ADGRV1: variants seen among roughly 807,000 people sequenced by gnomAD.
ADGRV1 encodes adhesion G protein-coupled receptor V1.
ADGRV1 carries 359 observed loss-of-function variants against 596.2 expected under a neutral mutation model. That is an observed-to-expected ratio of 0.60 (90% CI 0.55 to 0.66). The LOEUF (loss-of-function observed/expected upper bound fraction) is 0.66, where lower values mean the gene tolerates loss of function less well. Ranked by LOEUF, ADGRV1 falls within the 30% of genes least tolerant of loss-of-function variation. The pLI is 0.00. For missense variants in ADGRV1, 7,274 were observed against 7,575.6 expected (o/e 0.96, Z 1.48); for synonymous variants, 2,681 against 2,679.2 (o/e 1.00, Z -0.02).
rs10041060 is a variant in ADGRV1, at chr5:90,728,985, C to G, written c.10426+52C>G. ...ATATATAATTATTGAAATCATCTAG[C>G]ATTCATATGGTATATTTTATATGAA... On this transcript the variant is annotated intron_variant, in intron 49 of 89. Transcript: ENST00000405460. The G allele has an allele frequency of 3.9e-3, 4,821 of 1,223,860 alleles. 160 individuals carry two copies. In the African/African-American group the frequency reaches 0.066, roughly 17 times the overall value. The allele number at this position is 1,223,860 out of a possible 1,614,324, so 75.8% of individuals were successfully genotyped here. A position where few individuals can be genotyped will look rare whatever the true frequency, so the allele number is the denominator to read the frequency against.
Position 90,635,296 on chromosome 5 carries a change from T to C in ADGRV1, c.2016+6T>C. The C allele has an allele frequency of 6.2e-7, 1 of 1,604,350 alleles. No individual in the cohort carries two copies. Among genetic ancestry groups the C allele is most frequent in the Non-Finnish European group, 8.5e-7 (1 of 1,175,534 alleles). On this transcript the variant is annotated splice_donor_region_variant and intron_variant, in intron 10 of 89. Coordinates refer to ENST00000405460, the MANE Select transcript of ADGRV1 (RefSeq NM_032119.4). Reference sequence around the variant, plus strand: ...AAGATTTTGCTGCTGAAGTGGTAAGTAGGCTCTTTCTTACTGATGGGGGCT... The same window carrying C: ...AAGATTTTGCTGCTGAAGTGGTAAGCAGGCTCTTTCTTACTGATGGGGGCT...
rs1247691099 is a variant in ADGRV1 at position 90,759,437 on chromosome 5, T to C, written c.11969T>C (p.Ile3990Thr). 9 of 1,573,234 alleles carry C rather than the reference T, an allele frequency of 5.7e-6. No homozygotes were observed. Among genetic ancestry groups the C allele is most frequent in the South Asian group, 2.3e-5 (2 of 86,046 alleles). Residue 3990 changes from isoleucine to threonine, a missense_variant, in exon 58 of 90, where the codon ATT becomes ACT. Transcript: ENST00000405460. ...QVTAMIEITIIDDAEFELTET... is the reference protein window; with the variant it reads ...QVTAMIEITITDDAEFELTET... ...ACTGCAATGATAGAAATCACCATAA[T>C]TGATGATGCTGAATTTGAATTGACA...
At chr5:90,585,891 T>C (rs1758695308) in intron 1 of ADGRV1, among the ~76,000 whole-genome samples, 1 of 152,228 alleles carries the variant, frequency 6.6e-6, no homozygotes, top group African/African-American at 2.4e-5. Context: ...TCTGATCTTA[T>C]TCAACCCTCA....
In ADGRV1 at chr5:90,627,624, A is replaced by G. The variant is rs186639101; in HGVS notation, c.1086A>G (p.Leu362=). ...TTGCTGAATCGTTTCACATTATGTT[A>G]CTAAAAGATACCTTACAGGGAGATG... ...PEIAESFHIM[L]LKDTLQGDAV... is the part of the protein sequence containing the mutation. Residue 362 remains leucine (L), a synonymous_variant, in exon 7 of 90, where the codon TTA becomes TTG. Coordinates refer to ENST00000405460, the MANE Select transcript of ADGRV1 (RefSeq NM_032119.4). 3,467 of 1,613,936 alleles carry G rather than the reference A, an allele frequency of 2.1e-3. 15 individuals carry two copies. The highest frequency in any genetic ancestry group is 7.7e-3 in the South Asian group (701 of 91,074).
chr5:90,838,908 C>T (rs1765195545), intron 77 of ADGRV1, among the ~76,000 whole-genome samples: 1 of 152,140 alleles, frequency 6.6e-6, no homozygotes, highest in South Asian at 2.1e-4. Context: ...ATTGACTCTA[C>T]ATTTAAATAT....
intron 52 of ADGRV1, among the ~76,000 whole-genome samples, chr5:90,746,046 A>G (rs1754590457): frequency 6.6e-6 from 1 of 152,046 alleles, no homozygotes; most frequent in Non-Finnish European, 1.5e-5. Context: ...CTTTTATAGG[A>G]TTGACTTTGA....
chr5:90,577,914 T>C (rs189080753), intron 1 of ADGRV1, among the ~76,000 whole-genome samples: 1 of 150,442 alleles, frequency 6.6e-6, no homozygotes, highest in East Asian at 1.9e-4. Context: ...TTTGGCTCTC[T>C]GTCTATTATT....
At chr5:90,878,568 C>T (rs1769439250) in intron 83 of ADGRV1, among the ~76,000 whole-genome samples, 1 of 152,206 alleles carries the variant, frequency 6.6e-6, no homozygotes, top group South Asian at 2.1e-4. Context: ...TTCCGAAGAA[C>T]ACCTTCTTAT....
intron 1 of ADGRV1, 109 bp downstream of exon 1, chr5:90,559,026 G>T (rs1478774333): frequency 4.9e-6 from 5 of 1,015,424 alleles, no homozygotes; most frequent in Middle Eastern, 3.3e-4. Flanking sequence ...CGCGGAGGGC[G>T]GGCCACAGCC....
intron 86 of ADGRV1, among the ~76,000 whole-genome samples, chr5:91,082,352 A>C (rs1414264944): frequency 6.6e-6 from 1 of 152,074 alleles, no homozygotes; most frequent in East Asian, 1.9e-4. Context: ...TCTGAGACAG[A>C]GTCTTACTGT....
At chr5:90,608,566 T>TA (rs1762375363) in intron 1 of ADGRV1, among the ~76,000 whole-genome samples, 2 of 152,264 alleles carry the variant, frequency 1.3e-5, no homozygotes, top group Admixed American at 1.3e-4. Context: ...TACAATTCTA[T>TA]ACTCAATTAA....
chr5:91,020,829 C>T (rs564791566), intron 85 of ADGRV1, among the ~76,000 whole-genome samples: 1 of 152,124 alleles, frequency 6.6e-6, no homozygotes, highest in South Asian at 2.1e-4. Flanking sequence ...ACTGCTTCGA[C>T]ATCTAAATCT....
Position 90,643,779 on chromosome 5 carries a change from C to CAT in ADGRV1, c.2554-22_2554-21dup, listed in dbSNP as rs764059852. The CAT allele has an allele frequency of 2.0e-6, 3 of 1,503,946 alleles. No homozygotes were observed. In the East Asian group the frequency reaches 7.2e-5, roughly 36 times the overall value. 93.2% of individuals were successfully genotyped at this position (1,503,946 alleles called of 1,614,324 possible). Reference sequence around the variant, plus strand: ...TGTGAAAAGTCAACTTTATAATTTCCATACTTTGACACATTCACTTTAGTT... The same window carrying CAT: ...TGTGAAAAGTCAACTTTATAATTTCCATATACTTTGACACATTCACTTTAGTT... On this transcript the variant is annotated intron_variant, in intron 13 of 89. Transcript: ENST00000405460.
intron 70 of ADGRV1, among the ~76,000 whole-genome samples, chr5:90,801,177 A>G (rs1401383459): frequency 6.6e-6 from 1 of 152,168 alleles, no homozygotes; most frequent in Non-Finnish European, 1.5e-5. Context: ...ATCAACTCCT[A>G]AAAACTTTCA....
chr5:90,579,206 G>A (rs373020373), intron 1 of ADGRV1, among the ~76,000 whole-genome samples: 86 of 152,036 alleles, frequency 5.7e-4, no homozygotes, highest in South Asian at 1.9e-3. Flanking sequence ...TTACGGTGCC[G>A]ATTTTAGATC....
At chr5:90,730,625 A>G (rs1752430138) in intron 50 of ADGRV1, among the ~76,000 whole-genome samples, 1 of 152,174 alleles carries the variant, frequency 6.6e-6, no homozygotes, top group South Asian at 2.1e-4. Context: ...ATTGGAGAGA[A>G]CCCAAGGTAT....
At chr5:90,750,784 T>C (rs1755159287) in intron 53 of ADGRV1, 87 bp downstream of exon 53, 1 of 992,762 alleles carries the variant, frequency 1.0e-6, no homozygotes, top group Non-Finnish European at 1.5e-6. Flanking sequence ...ATGGATGAAG[T>C]GTTTGAGTTT....
chr5:90,844,776 C>A (rs1343818552), intron 78 of ADGRV1, among the ~76,000 whole-genome samples: 1 of 152,122 alleles, frequency 6.6e-6, no homozygotes, highest in Non-Finnish European at 1.5e-5. Flanking sequence ...CTCCAAAGGC[C>A]TCCGTCTTTG....
intron 21 of ADGRV1, among the ~76,000 whole-genome samples, chr5:90,667,091 G>A (rs970902326): frequency 5.5e-4 from 83 of 151,742 alleles, no homozygotes; most frequent in Non-Finnish European, 1.0e-3. Context: ...TATGTGTCTT[G>A]GAGTTGCTCT....
Sources: allele counts gnomAD v4.1 joint callset (sites outside exome capture counted in the v4.1 genomes callset), GRCh38; gene constraint gnomAD v4.1.1; transcripts MANE v1.5; gene names NCBI Gene and HGNC (gene_info 2026-07-23, HGNC 2026-07-21).